LRRC53: variants seen among roughly 807,000 people sequenced by gnomAD.
The protein encoded by LRRC53 is leucine rich repeat containing 53, also known as leucine-rich repeat-containing protein 53.
In LRRC53, 25 loss-of-function variants were observed where a neutral mutation model predicts 13.6. That is an observed-to-expected ratio of 1.83 (90% CI 1.34 to 2.56). LRRC53 has a LOEUF of 2.56. Among genes scored for constraint, LRRC53 ranks in the 30% most tolerant of loss-of-function variants. The pLI is 0.00. For missense variants in LRRC53, 527 were observed against 275.8 expected, an observed-to-expected ratio of 1.91 and a Z score of -6.45; for synonymous variants, 204 against 109.8, an observed-to-expected ratio of 1.86 and a Z score of -5.37.
At chr1:74,514,674 A>T (rs918456590), upstream of LRRC53, among the ~76,000 whole-genome samples, 2 of 152,134 alleles carry the variant, frequency 1.3e-5, no homozygotes, top group Admixed American at 1.3e-4. Context: ...AGTCTATCTA[A>T]TCCCAAAGCC....
At position 74,475,960 on chromosome 1, in the gene LRRC53, C is replaced by T. The variant is rs1032689238; in HGVS notation, c.905-150G>A. The T allele has an allele frequency of 9.1e-6, 4 of 438,622 alleles. No individual in the cohort carries two copies. The Admixed American group carries it at 1.5e-4, about 17-fold the overall frequency. 27.2% of individuals were successfully genotyped at this position (438,622 alleles called of 1,614,324 possible). A position where few individuals can be genotyped will look rare whatever the true frequency, so the allele number is the denominator to read the frequency against. ...TTCACCATTTGGAAAAATATCAGTC[C>T]AGACAGAGGCTACCATTGACATTGT... On this transcript the variant is annotated intron_variant, in intron 3 of 4. Transcript: ENST00000294635.
In LRRC53 at chr1:74,480,828, G is replaced by A. The variant is rs570291675; in HGVS notation, c.229C>T (p.Leu77=). ...NGIEDVQEDA[L]HGLTMLRTLL... is the part of the protein sequence containing the mutation. Reference sequence around the variant, plus strand: ...GTCCGCAACATCGTAAGCCCATGCAGGGCATCTTCCTGAACATCCTCGATA... The same window carrying A: ...GTCCGCAACATCGTAAGCCCATGCAAGGCATCTTCCTGAACATCCTCGATA... Residue 77 remains leucine, a synonymous_variant, in exon 3 of 5, where the codon CTG becomes TTG. Coordinates refer to ENST00000294635, the MANE Select transcript of LRRC53 (RefSeq NM_001382280.1). 1 of 717,566 alleles carries A rather than the reference G, an allele frequency of 1.4e-6. No homozygotes were observed. Among genetic ancestry groups the A allele is most frequent in the African/African-American group, 1.7e-5 (1 of 57,386 alleles). 44.4% of individuals were successfully genotyped at this position (717,566 alleles called of 1,614,324 possible).
chr1:74,483,400 T>A, intron 1 of LRRC53, 25 bp from the exon 2 acceptor site: 1 of 714,940 alleles, frequency 1.4e-6, no homozygotes, highest in South Asian at 1.5e-5. Context: ...GAGGGCAATG[T>A]ATATCATAAT....
chr1:74,471,099 G>C lies in LRRC53; in HGVS notation c.2523C>G (p.Pro841=), dbSNP rs75237842. 5.0e-6 allele frequency: 2 copies of C among 400,544 alleles called. No individual in the cohort carries two copies. Among genetic ancestry groups the C allele is most frequent in the Non-Finnish European group, 8.8e-6 (2 of 226,198 alleles). 24.8% of individuals were successfully genotyped at this position (400,544 alleles called of 1,614,324 possible). ...HIPDGNTSKL[P]QPTPTDAEHR... is the part of the protein sequence containing the mutation. ...GCTCAGCATCAGTGGGTGTAGGTTGGGGCAATTTTGATGTGTTTCCATCAG... is the reference window on the plus strand; with the variant it reads ...GCTCAGCATCAGTGGGTGTAGGTTGCGGCAATTTTGATGTGTTTCCATCAG... The change falls in exon 5 of 5, where the codon CCC becomes CCG. Residue 841 remains proline (P), a synonymous_variant. Transcript: ENST00000294635.
At chr1:74,495,565 T>C (rs555034041) in intron 1 of LRRC53, among the ~76,000 whole-genome samples, 1 of 152,318 alleles carries the variant, frequency 6.6e-6, no homozygotes, top group South Asian at 2.1e-4. Context: ...CTATTGAACA[T>C]CCTGGGCACT....
At chr1:74,513,600 G>A (rs1476516410), upstream of LRRC53, among the ~76,000 whole-genome samples, 3 of 152,138 alleles carry the variant, frequency 2.0e-5, no homozygotes, top group African/African-American at 4.8e-5. Context: ...GGCAGCTGGC[G>A]CTACTATGTG....
the LRRC53 span, among the ~76,000 whole-genome samples, chr1:74,522,666 G>A: frequency 1.3e-5 from 2 of 151,518 alleles, no homozygotes; most frequent in Non-Finnish European, 2.9e-5. Context: ...GAGAGAGAGA[G>A]AAAGAGAAAG....
At position 74,492,185 on chromosome 1, in the gene LRRC53, G is replaced by A. The variant is rs200277602; in HGVS notation, c.-26-8810C>T. The A allele has an allele frequency of 1.4e-5, 23 of 1,612,718 alleles. No individual in the cohort carries two copies. The highest frequency in any genetic ancestry group is 1.6e-4 in the Middle Eastern group (1 of 6,080). On this transcript the variant is annotated intron_variant, in intron 1 of 4. Coordinates refer to ENST00000294635, the MANE Select transcript of LRRC53 (RefSeq NM_001382280.1). ...CTGGTGAACCGGGGAGGACCTGGCCGGAGTCATGTGGCAGCATTAAGAAGT... is the reference window on the plus strand; with the variant it reads ...CTGGTGAACCGGGGAGGACCTGGCCAGAGTCATGTGGCAGCATTAAGAAGT...
At chr1:74,511,885 A>G (rs1012382049) in intron 1 of LRRC53, among the ~76,000 whole-genome samples, 38 of 152,194 alleles carry the variant, frequency 2.5e-4, no homozygotes, top group African/African-American at 8.7e-4. Context: ...TGCACAGTAC[A>G]TTTGGGAACA....
chr1:74,483,177 G>T, intron 2 of LRRC53, 85 bp downstream of exon 2: 2 of 682,140 alleles, frequency 2.9e-6, no homozygotes, highest in Admixed American at 4.2e-5. Context: ...GCTGAGCCCA[G>T]AGAACAGTCA....
chr1:74,528,575 T>G, the LRRC53 span, among the ~76,000 whole-genome samples: 1 of 152,132 alleles, frequency 6.6e-6, no homozygotes, highest in Admixed American at 6.5e-5. Context: ...TTTAGGATAA[T>G]GGGAGCTAGG....
chr1:74,504,050 A>T (rs187493702), intron 1 of LRRC53, among the ~76,000 whole-genome samples: 2 of 152,318 alleles, frequency 1.3e-5, no homozygotes, highest in East Asian at 3.9e-4. Flanking sequence ...ACACCTCTTC[A>T]CCGCATCCCT....
intron 1 of LRRC53, among the ~76,000 whole-genome samples, chr1:74,494,001 A>C (rs1024788081): frequency 2.0e-5 from 3 of 152,166 alleles, no homozygotes; most frequent in Non-Finnish European, 4.4e-5. Context: ...TACGGTTGTC[A>C]GGGGCCCCTG....
At chr1:74,519,783 A>C in the LRRC53 span, among the ~76,000 whole-genome samples, 1 of 152,176 alleles carries the variant, frequency 6.6e-6, no homozygotes. Flanking sequence ...TGTTATAGTC[A>C]AGCCAAAGCT....
chr1:74,493,953 A>G (rs1669204524), intron 1 of LRRC53, among the ~76,000 whole-genome samples: 1 of 152,218 alleles, frequency 6.6e-6, no homozygotes, highest in African/African-American at 2.4e-5. Context: ...GGCATGGGTA[A>G]CTGGAGTGGG....
At chr1:74,509,877 C>T (rs1293036787) in intron 1 of LRRC53, among the ~76,000 whole-genome samples, 2 of 149,212 alleles carry the variant, frequency 1.3e-5, no homozygotes, top group African/African-American at 4.9e-5. Flanking sequence ...CCTCAGCTCC[C>T]CAAGTAGCTG....
At position 74,469,830 on chromosome 1, in the gene LRRC53, A is replaced by G. The variant is rs1667836473; in HGVS notation, c.*48T>C. 1 of 400,012 alleles carries G rather than the reference A, an allele frequency of 2.5e-6. No individual in the cohort carries two copies. 24.8% of individuals were successfully genotyped at this position (400,012 alleles called of 1,614,324 possible). A position where few individuals can be genotyped will look rare whatever the true frequency, so the allele number is the denominator to read the frequency against. ...GGCTAGTGGGTGTTTGTCCTCTTGA[A>G]GAAAGCTAAAGTAGAAAAGGATTAT... On this transcript the variant is annotated 3_prime_UTR_variant, in exon 5 of 5. Coordinates refer to ENST00000294635, the MANE Select transcript of LRRC53 (RefSeq NM_001382280.1).
At chr1:74,472,916 T>C (rs1301041191) in intron 4 of LRRC53, among the ~76,000 whole-genome samples, 2 of 152,080 alleles carry the variant, frequency 1.3e-5, no homozygotes, top group East Asian at 3.9e-4. Context: ...CCTCTTCATG[T>C]TACAATCTTT....
At chr1:74,525,091 C>A in the LRRC53 span, among the ~76,000 whole-genome samples, 1 of 152,214 alleles carries the variant, frequency 6.6e-6, no homozygotes, top group Admixed American at 6.5e-5. Flanking sequence ...TGATAAAAAA[C>A]ATACTAAAGA....
Sources: allele counts gnomAD v4.1 joint callset (sites outside exome capture counted in the v4.1 genomes callset), GRCh38; gene constraint gnomAD v4.1.1; transcripts MANE v1.5; gene names NCBI Gene and HGNC (gene_info 2026-07-23, HGNC 2026-07-21).